The following SH2D5 variants were observed in gnomAD, a reference collection of about 807,000 sequenced individuals.
SH2D5 encodes SH2 domain-containing protein 5.
Under a neutral mutation model 48.2 loss-of-function variants are expected in SH2D5, and 45 were observed. That is an observed-to-expected ratio of 0.93 (90% confidence interval 0.73 to 1.20). SH2D5 has a LOEUF of 1.20. SH2D5 is among the 50% of genes most tolerant of loss of function. The pLI is 0.00. For missense variants in SH2D5, 538 were observed against 584.1 expected (o/e 0.92, Z 0.81); for synonymous variants, 230 against 249.8 (o/e 0.92, Z 0.75).
intron 1 of SH2D5, chr1:20,731,505 G>C (rs936112065): frequency 6.6e-6 from 1 of 152,344 alleles, no homozygotes; most frequent in African/African-American, 2.4e-5. Flanking sequence ...CTGACTGTGT[G>C]TCAGGCCCCG....
At chr1:20,726,774 T>C (rs1173120069) in intron 4 of SH2D5, among the ~76,000 whole-genome samples, 1 of 151,966 alleles carries the variant, frequency 6.6e-6, no homozygotes, top group Non-Finnish European at 1.5e-5. Context: ...CCCAGAGGGA[T>C]TCTGGAGGCC....
At position 20,723,541 on chromosome 1, in the gene SH2D5, G is replaced by A. The variant is rs546870147; in HGVS notation, c.908+85C>T. The A allele has an allele frequency of 4.3e-4, 452 of 1,055,998 alleles. No homozygotes were observed. In the African/African-American group the frequency reaches 6.4e-3, roughly 15 times the overall value. 65.4% of individuals were successfully genotyped at this position (1,055,998 alleles called of 1,614,324 possible). On this transcript the variant is annotated intron_variant, in intron 8 of 9. Coordinates refer to ENST00000444387, the MANE Select transcript of SH2D5 (RefSeq NM_001103161.2). ...GGGAGCGCTCTGCCCGTGCACGGGA[G>A]TGTGTGCCTCAGGGGCCTGGGAAGC...
rs1057489459 is a variant in SH2D5, at chr1:20,727,326, G to A, written c.168+197C>T. The A allele has an allele frequency of 2.5e-5, 16 of 637,776 alleles. No homozygotes were observed. In the South Asian group the frequency reaches 3.2e-4, roughly 13 times the overall value. 39.5% of individuals were successfully genotyped at this position (637,776 alleles called of 1,614,324 possible). A position where few individuals can be genotyped will look rare whatever the true frequency, so the allele number is the denominator to read the frequency against. On this transcript the variant is annotated intron_variant, in intron 3 of 9. Coordinates refer to ENST00000444387, the MANE Select transcript of SH2D5 (RefSeq NM_001103161.2). ...ATCTCCATCTGTGGCTTCCAGCTGT[G>A]GGGCCCAGGTCACAGTAGCCCAGGG... is the stretch of plus-strand genomic sequence containing the variant.
chr1:20,722,824 C>G lies in SH2D5; in HGVS notation c.1000G>C (p.Val334Leu), dbSNP rs201291581. The stretch of plus-strand genomic sequence containing the variant: ...GGCACCACGCCGCACTGCGTGCGCA[C>G]GGACAGACACCACTGGCCGCTAGCA... The part of the protein sequence containing the change: ...LGASGQWCLS[V>L]RTQCGVVPHQ... The change falls in exon 9 of 10, where the codon GTG becomes CTG. Residue 334 changes from valine (V) to leucine (L), a missense_variant. Val to Leu is a conservative substitution (Grantham distance 32, BLOSUM62 1). Coordinates refer to ENST00000444387, the MANE Select transcript of SH2D5 (RefSeq NM_001103161.2). The G allele has an allele frequency of 3.1e-6, 5 of 1,603,752 alleles. No homozygotes were observed. The highest frequency in any genetic ancestry group is 4.3e-6 in the Non-Finnish European group (5 of 1,175,750).
At chr1:20,727,822 A>T in intron 2 of SH2D5, 136 bp downstream of exon 2, 1 of 888,144 alleles carries the variant, frequency 1.1e-6, no homozygotes, top group Non-Finnish European at 1.8e-6. Context: ...ATCGGGGCAC[A>T]CACACACTCC....
At position 20,725,941 on chromosome 1, in the gene SH2D5, A is replaced by G; in HGVS notation, c.369T>C (p.Phe123=). The G allele has an allele frequency of 6.2e-7, 1 of 1,613,348 alleles. No individual in the cohort carries two copies. ...ATACCTCTCCTGGCTGGCTGCCCAC[A>G]AAGAGGTGGCAGAAGAGCTTGCTGG... ...SPASKLFCHL[F]VGSQPGEVQI... Residue 123 remains phenylalanine (F), a synonymous_variant, in exon 5 of 10, where the codon TTT becomes TTC. Transcript: ENST00000444387.
chr1:20,722,897 C>T lies in SH2D5; in HGVS notation c.927G>A (p.Leu309=), dbSNP rs748219580. Residue 309 remains leucine (L), a synonymous_variant, in exon 9 of 10, where the codon CTG becomes CTA. Transcript: ENST00000444387. Reference sequence around the variant, plus strand: ...AGGCCCCCAGCACGTCTCTCCGCAACAGGGCCAGGGCACAGGGCCTAGGAG... The same window carrying T: ...AGGCCCCCAGCACGTCTCTCCGCAATAGGGCCAGGGCACAGGGCCTAGGAG... The part of the protein sequence containing the change: ...AGISRPCALA[L]LRRDVLGAFL... 6.3e-7 allele frequency: 1 copy of T among 1,597,506 alleles called. No homozygotes were observed.
chr1:20,721,956 C>T lies in SH2D5; in HGVS notation c.1108G>A (p.Glu370Lys). The change falls in exon 10 of 10, where the codon GAG becomes AAG. Residue 370 changes from glutamate (E) to lysine (K), a missense_variant. Glu to Lys is a moderately conservative substitution (Grantham distance 56). Coordinates refer to ENST00000444387, the MANE Select transcript of SH2D5 (RefSeq NM_001103161.2). ...CTACGTTCAGTAACCGCGTGGTTCTCCACCAGAGCCTCCAGGCTGGGGAAC... is the reference window on the plus strand; with the variant it reads ...CTACGTTCAGTAACCGCGTGGTTCTTCACCAGAGCCTCCAGGCTGGGGAAC... ...AEFPSLEALV[E>K]NHAVTERSLF... is the part of the protein sequence containing the mutation. 2 of 1,613,114 alleles carry T rather than the reference C, an allele frequency of 1.2e-6. No individual in the cohort carries two copies. The highest frequency in any genetic ancestry group is 1.1e-5 in the South Asian group (1 of 91,078).
chr1:20,724,804 T>A (rs942031174), intron 5 of SH2D5, among the ~76,000 whole-genome samples, 169 bp from the exon 6 acceptor site: 30 of 152,234 alleles, frequency 2.0e-4, no homozygotes, highest in Non-Finnish European at 1.5e-5. Context: ...CTCACCACCA[T>A]GCAGGCTCCC....
At chr1:20,723,323 A>C (rs1194983162) in intron 8 of SH2D5, among the ~76,000 whole-genome samples, 1 of 152,250 alleles carries the variant, frequency 6.6e-6, no homozygotes, top group Admixed American at 6.5e-5. Context: ...AGACTCTCTC[A>C]GGAGAGAGGC....
chr1:20,727,867 G>T (rs780066252), intron 2 of SH2D5, 91 bp downstream of exon 2: 179 of 1,079,324 alleles, frequency 1.7e-4, no homozygotes, highest in Non-Finnish European at 2.4e-4. Context: ...GGTGGAAATA[G>T]GTCCTAGGCC....
At position 20,726,207 on chromosome 1, in the gene SH2D5, G is replaced by A. The variant is rs2054796668; in HGVS notation, c.244-141C>T. 6 of 1,103,850 alleles carry A rather than the reference G, an allele frequency of 5.4e-6. No individual in the cohort carries two copies. In the Admixed American group the frequency reaches 8.9e-5, roughly 16 times the overall value. The allele number at this position is 1,103,850 out of a possible 1,614,324, so 68.4% of individuals were successfully genotyped here. ...CCCTCATCCTTCACATGGGCCCTGG[G>A]GCTTAAGATCGCCACCCCCATGTGA... On this transcript the variant is annotated intron_variant, in intron 4 of 9. Coordinates refer to ENST00000444387, the MANE Select transcript of SH2D5 (RefSeq NM_001103161.2).
intron 1 of SH2D5, among the ~76,000 whole-genome samples, chr1:20,730,306 C>G (rs1448272622): frequency 4.0e-4 from 54 of 134,526 alleles, no homozygotes; most frequent in Non-Finnish European, 5.4e-4. Flanking sequence ...CCATCCTGCT[C>G]GGGGGGGGGG....
At chr1:20,722,701 G>A (rs1275710035) in intron 9 of SH2D5, 55 bp downstream of exon 9, 82 of 1,403,048 alleles carry the variant, frequency 5.8e-5, no homozygotes, top group Non-Finnish European at 6.5e-5. Context: ...GAAGGGCCAG[G>A]GATGGAGCCA....
At chr1:20,731,623 GA>G (rs1231469334) in intron 1 of SH2D5, 1 of 152,520 alleles carries the variant, frequency 6.6e-6, no homozygotes, top group African/African-American at 2.4e-5. Flanking sequence ...AGGAGAAGGC[GA>G]GGTGCGTGCG....
rs2054719195 is a variant in SH2D5 at position 20,723,018 on chromosome 1, A to G, written c.909-103T>C. ...GGCAGCCTGCGGATTAAATGCCCTTAAACACACGGTGCGTTGGCCGGGCTC... is the reference window on the plus strand; with the variant it reads ...GGCAGCCTGCGGATTAAATGCCCTTGAACACACGGTGCGTTGGCCGGGCTC... On this transcript the variant is annotated intron_variant, in intron 8 of 9. Coordinates refer to ENST00000444387, the MANE Select transcript of SH2D5 (RefSeq NM_001103161.2). 8.4e-6 allele frequency: 10 copies of G among 1,184,246 alleles called. No homozygotes were observed. The South Asian group carries it at 1.9e-4, about 22-fold the overall frequency. The allele number at this position is 1,184,246 out of a possible 1,614,324, so 73.4% of individuals were successfully genotyped here.
chr1:20,730,260 G>A (rs12023041), intron 1 of SH2D5, among the ~76,000 whole-genome samples: 20,938 of 150,880 alleles, frequency 0.14, 2,597 homozygotes, highest in East Asian at 0.72. Context: ...AGAGAGAAAG[G>A]AGAGCTGTGG....
chr1:20,727,198 G>T, intron 3 of SH2D5, 123 bp from the exon 4 acceptor site: 1 of 835,004 alleles, frequency 1.2e-6, no homozygotes, highest in Non-Finnish European at 1.8e-6. Flanking sequence ...AGGGGGTGGG[G>T]CCCTGGCTGG....
At chr1:20,727,177 C>T (rs2054817638) in intron 3 of SH2D5, 102 bp from the exon 4 acceptor site, 1 of 989,008 alleles carries the variant, frequency 1.0e-6, no homozygotes, top group African/African-American at 1.6e-5. Flanking sequence ...GCCCACTCCA[C>T]CACCCCTGGC....
Sources: allele counts gnomAD v4.1 joint callset (sites outside exome capture counted in the v4.1 genomes callset), GRCh38; gene constraint gnomAD v4.1.1; transcripts MANE v1.5; gene names NCBI Gene and HGNC (gene_info 2026-07-23, HGNC 2026-07-21).